The following ATAD3A variants were observed in gnomAD, a reference collection of about 807,000 sequenced individuals.
ATAD3A encodes ATPase family AAA domain containing 3A, also known as ATPase family AAA domain-containing protein 3A.
In ATAD3A, 46 loss-of-function variants were observed where a neutral mutation model predicts 73.8. The observed-to-expected ratio is 0.62, with a 90% CI of 0.49 to 0.80. The LOEUF is 0.80. Among genes scored for constraint, ATAD3A ranks in the 30% least tolerant of loss-of-function variants. The pLI is 0.00. For missense variants in ATAD3A, 705 were observed against 838.0 expected (o/e 0.84, Z 1.96); for synonymous variants, 319 against 350.0 (o/e 0.91, Z 0.99).
rs1389542788 is a variant in ATAD3A, at chr1:1,520,521, C to T, written c.681-27C>T. On this transcript the variant is annotated intron_variant, in intron 6 of 15. Coordinates refer to ENST00000378756, the MANE Select transcript of ATAD3A (RefSeq NM_001170535.3). This position sits in a 1 kb window ranked among gnomAD's most constrained non-coding sequence, Gnocchi z 4.0. Reference sequence around the variant, plus strand: ...CGTGGCACGGATCTTCGTGTCCTTCCTGGTCACACCACTGCTTTCCCCGCA... The same window carrying T: ...CGTGGCACGGATCTTCGTGTCCTTCTTGGTCACACCACTGCTTTCCCCGCA... 6.2e-7 allele frequency: 1 copy of T among 1,614,120 alleles called. No individual in the cohort carries two copies. The highest frequency in any genetic ancestry group is 1.7e-4 in the Middle Eastern group (1 of 6,048).
At position 1,532,966 on chromosome 1, in the gene ATAD3A, G is replaced by A. The variant is rs373458395; in HGVS notation, c.1615-960G>A. Among the ~76,000 whole-genome samples the A allele has an allele frequency of 2.0e-4, 31 of 152,270 alleles. 2 individuals carry two copies. Among genetic ancestry groups the A allele is most frequent in the African/African-American group, 7.0e-4 (29 of 41,558 alleles). On this transcript the variant is annotated intron_variant, in intron 15 of 15. Transcript: ENST00000378756. Reference sequence around the variant, plus strand: ...GGCCCCCGACCCACAGTGGTGGTCCGGCTCCGGTCAGTGTCTCCCCACACA... The same window carrying A: ...GGCCCCCGACCCACAGTGGTGGTCCAGCTCCGGTCAGTGTCTCCCCACACA...
At chr1:1,524,763 A>G (rs1215677661) in intron 11 of ATAD3A, among the ~76,000 whole-genome samples, 1 of 145,252 alleles carries the variant, frequency 6.9e-6, no homozygotes, top group African/African-American at 2.7e-5. Flanking sequence ...GAACCATTTG[A>G]AAGTTAGCTG....
intron 4 of ATAD3A, among the ~76,000 whole-genome samples, chr1:1,518,251 A>T (rs1188858254): frequency 6.7e-6 from 1 of 149,344 alleles, no homozygotes; most frequent in Non-Finnish European, 1.5e-5. Flanking sequence ...ACACACACAC[A>T]CAGATACGCA....
chr1:1,530,506 T>C (rs1164236223), intron 15 of ATAD3A, among the ~76,000 whole-genome samples: 2 of 151,844 alleles, frequency 1.3e-5, no homozygotes, highest in Non-Finnish European at 2.9e-5. Context: ...CACTCCAGCC[T>C]GGATTACAGA....
At chr1:1,522,949 C>T (rs748182448) in intron 8 of ATAD3A, 50 bp downstream of exon 8, 4 of 1,591,658 alleles carry the variant, frequency 2.5e-6, no homozygotes, top group South Asian at 1.1e-5. Context: ...GGCTGAGTCC[C>T]TTCTGCCCCA....
At chr1:1,522,456 G>A (rs1206503442) in intron 7 of ATAD3A, among the ~76,000 whole-genome samples, 2 of 152,200 alleles carry the variant, frequency 1.3e-5, no homozygotes, top group African/African-American at 2.4e-5. Flanking sequence ...TGTGACATCC[G>A]GCTGGGTCTG....
At chr1:1,524,217 G>A in intron 10 of ATAD3A, 56 bp from the exon 11 acceptor site, 8 of 1,613,456 alleles carry the variant, frequency 5.0e-6, no homozygotes, top group South Asian at 1.1e-5. Context: ...GAGTGTGCAG[G>A]CTTTGCAGAG....
chr1:1,529,460 G>C (rs567690622), intron 15 of ATAD3A, 129 bp downstream of exon 15: 98 of 1,461,298 alleles, frequency 6.7e-5, no homozygotes, highest in South Asian at 3.5e-4. Context: ...AGTGCACAGA[G>C]GTGACACAGG....
intron 13 of ATAD3A, 41 bp from the exon 14 acceptor site, chr1:1,527,654 C>T: frequency 6.3e-7 from 1 of 1,576,678 alleles, no homozygotes; most frequent in Non-Finnish European, 8.6e-7. Flanking sequence ...TGCAGCTCGG[C>T]CGGCAGCCCC....
intron 15 of ATAD3A, 121 bp from the exon 16 acceptor site, chr1:1,533,805 T>C (rs1270579628): frequency 7.4e-7 from 1 of 1,355,706 alleles, no homozygotes; most frequent in African/African-American, 1.5e-5. Flanking sequence ...GAAGCCTGTG[T>C]TTCACGCTCA....
chr1:1,530,843 A>C (rs1212192590), intron 15 of ATAD3A, among the ~76,000 whole-genome samples: 5 of 99,298 alleles, frequency 5.0e-5, no homozygotes, highest in Non-Finnish European at 7.8e-5. Context: ...AAAAAAAAAA[A>C]AAAAAAAAAA....
intron 14 of ATAD3A, among the ~76,000 whole-genome samples, chr1:1,528,233 G>T (rs917005835): frequency 1.3e-5 from 2 of 152,188 alleles, no homozygotes; most frequent in African/African-American, 4.8e-5. Flanking sequence ...AAAGTGCAGG[G>T]ATTACAGATG....
intron 12 of ATAD3A, among the ~76,000 whole-genome samples, 154 bp from the exon 13 acceptor site, chr1:1,526,306 AC>A (rs1456349353): frequency 6.6e-6 from 1 of 151,970 alleles, no homozygotes; most frequent in East Asian, 1.9e-4. Flanking sequence ...TTCGTGAGCC[AC>A]CGCCCCTGGC....
At chr1:1,525,390 T>C in intron 12 of ATAD3A, 99 bp downstream of exon 12, 4 of 1,406,716 alleles carry the variant, frequency 2.8e-6, no homozygotes, top group East Asian at 2.3e-5. Flanking sequence ...TCTTTTTCTC[T>C]GTAAGCTTTG....
At chr1:1,517,086 C>G in intron 2 of ATAD3A, 1 of 1,524,094 alleles carries the variant, frequency 6.6e-7, no homozygotes, top group Non-Finnish European at 8.8e-7. Flanking sequence ...CGGCCTCCCT[C>G]CCGGGGGGCC....
chr1:1,527,743 C>T lies in ATAD3A; in HGVS notation c.1386C>T (p.Ala462=). The stretch of plus-strand genomic sequence containing the variant: ...ACCAACCAGAGCAGTTCGACTGGGC[C>T]ATCAATGACCGCATCAATGAGATGG... ...ASNQPEQFDW[A]INDRINEMVH... Residue 462 remains alanine, a synonymous_variant, in exon 14 of 16, where the codon GCC becomes GCT. Transcript: ENST00000378756. The T allele has an allele frequency of 6.2e-7, 1 of 1,613,906 alleles. No individual in the cohort carries two copies. Among genetic ancestry groups the T allele is most frequent in the Non-Finnish European group, 8.5e-7 (1 of 1,179,940 alleles).
At chr1:1,531,010 C>A (rs1164373379) in intron 15 of ATAD3A, among the ~76,000 whole-genome samples, 8 of 151,922 alleles carry the variant, frequency 5.3e-5, no homozygotes, top group Admixed American at 6.6e-5. Flanking sequence ...CAAAAATTAC[C>A]CCGGCACATT....
rs758376216 is a variant in ATAD3A, at chr1:1,520,870, G to A, written c.750+253G>A. On this transcript the variant is annotated intron_variant, in intron 7 of 15. Transcript: ENST00000378756. This position sits in a 1 kb window ranked among gnomAD's most constrained non-coding sequence, Gnocchi z 4.0. ...AAAAATCAAATATTAGCTGGGTGTG[G>A]TGGCAGCCCCTGTGGTCCCACTACT... 1.3e-5 allele frequency among the ~76,000 whole-genome samples: 2 copies of A among 152,038 alleles called. No homozygotes were observed. The highest frequency in any genetic ancestry group is 2.4e-5 in the African/African-American group (1 of 41,390).
intron 15 of ATAD3A, 79 bp from the exon 16 acceptor site, chr1:1,533,847 C>T: frequency 2.6e-6 from 4 of 1,527,912 alleles, no homozygotes; most frequent in South Asian, 1.2e-5. Context: ...TTGGTCCCTC[C>T]CCACCTCGGG....
Sources: gnomAD v4.1 joint callset for allele counts (sites outside exome capture counted in the v4.1 genomes callset) on GRCh38, gnomAD v4.1.1 for gene constraint, Gnocchi (gnomAD v3.1) non-coding constraint, MANE v1.5 for transcripts, NCBI Gene and HGNC (gene_info 2026-07-23, HGNC 2026-07-21) for gene names.